Variants in PRUNE2 observed in about 807,000 individuals in gnomAD.
PRUNE2 encodes the protein prune homolog 2 with BCH domain.
PRUNE2 carries 164 observed loss-of-function variants against 252.0 expected under a neutral mutation model. That is an observed-to-expected ratio of 0.65 (90% CI 0.57 to 0.74). PRUNE2 has a LOEUF of 0.74. PRUNE2 is among the 30% of genes least tolerant of loss of function. PRUNE2 has a pLI of 0.00. For synonymous variants in PRUNE2, 1,292 were observed against 1,350.2 expected, an observed-to-expected ratio of 0.96 and a Z score of 0.94; for missense variants, 3,495 against 3,711.0, an observed-to-expected ratio of 0.94 and a Z score of 1.51.
intron 9 of PRUNE2, among the ~76,000 whole-genome samples, chr9:76,676,065 T>A (rs900400677): frequency 4.2e-5 from 6 of 144,380 alleles, no homozygotes; most frequent in Admixed American, 1.4e-4. Context: ...TAAAGTATAA[T>A]AAAAAAAAAA....
chr9:76,753,443 A>G (rs1420817078), intron 6 of PRUNE2, among the ~76,000 whole-genome samples: 1 of 152,158 alleles, frequency 6.6e-6, no homozygotes, highest in Non-Finnish European at 1.5e-5. Flanking sequence ...TACTGCAACA[A>G]AATTTTTAAA....
rs2046366620 is a variant in PRUNE2, at chr9:76,707,107, A to G, written c.5167T>C (p.Ser1723Pro). ...ESRAWDSLNE[S>P]NKFLVTADPK... is the part of the protein sequence containing the mutation. ...TCAGCTGTGACCAAGAACTTATTAGATTCATTCAATGAATCCCAAGCTCTG... is the reference window on the plus strand; with the variant it reads ...TCAGCTGTGACCAAGAACTTATTAGGTTCATTCAATGAATCCCAAGCTCTG... The change falls in exon 8 of 19, where the codon TCT becomes CCT. Residue 1723 changes from serine to proline, a missense_variant. Ser to Pro is a moderately conservative substitution (Grantham distance 74). Coordinates refer to ENST00000376718, the MANE Select transcript of PRUNE2 (RefSeq NM_015225.3). 1.2e-6 allele frequency: 2 copies of G among 1,613,786 alleles called. No homozygotes were observed. Among genetic ancestry groups the G allele is most frequent in the East Asian group, 2.2e-5 (1 of 44,892 alleles).
intron 1 of PRUNE2, among the ~76,000 whole-genome samples, chr9:76,878,829 T>C (rs1213658762): frequency 6.6e-6 from 1 of 152,204 alleles, no homozygotes; most frequent in Admixed American, 6.5e-5. Flanking sequence ...TATTATTAAA[T>C]ACATAATTAT....
intron 9 of PRUNE2, among the ~76,000 whole-genome samples, chr9:76,655,824 A>G: frequency 6.6e-6 from 1 of 152,300 alleles, no homozygotes; most frequent in East Asian, 1.9e-4. Flanking sequence ...TAATATATAT[A>G]TATTTTTAAC....
In PRUNE2 at chr9:76,708,373, C is replaced by A; in HGVS notation, c.3901G>T (p.Ala1301Ser). 6.2e-7 allele frequency: 1 copy of A among 1,613,836 alleles called. No homozygotes were observed. Among genetic ancestry groups the A allele is most frequent in the Non-Finnish European group, 8.5e-7 (1 of 1,179,878 alleles). The change falls in exon 8 of 19, where the codon GCG becomes TCG. Residue 1301 changes from alanine to serine, a missense_variant. By Grantham distance (99) the Ala-to-Ser change is moderately conservative. Coordinates refer to ENST00000376718, the MANE Select transcript of PRUNE2 (RefSeq NM_015225.3). Reference sequence around the variant, plus strand: ...TACCCTGGATTCTCAAGCCTAGTCGCCAAGGATGCTGCATCACTTTGCAGG... The same window carrying A: ...TACCCTGGATTCTCAAGCCTAGTCGACAAGGATGCTGCATCACTTTGCAGG... ...ETLQSDAASL[A>S]TRLENPGYFP...
intron 4 of PRUNE2, among the ~76,000 whole-genome samples, chr9:76,841,408 G>A (rs2059388118): frequency 6.6e-6 from 1 of 152,232 alleles, no homozygotes; most frequent in Non-Finnish European, 1.5e-5. Flanking sequence ...CAGACACTGA[G>A]CTAGCTGAAG....
chr9:76,757,066 AT>A (rs2051227034), intron 6 of PRUNE2, among the ~76,000 whole-genome samples: 1 of 152,220 alleles, frequency 6.6e-6, no homozygotes, highest in Non-Finnish European at 1.5e-5. Flanking sequence ...CTGCTAATGG[AT>A]TTTAATAGCA....
chr9:76,810,970 G>A (rs1056074305), intron 6 of PRUNE2, among the ~76,000 whole-genome samples: 2 of 152,060 alleles, frequency 1.3e-5, no homozygotes, highest in African/African-American at 4.8e-5. Context: ...TGATTCTCAG[G>A]AGCGTTACAG....
At chr9:76,746,717 A>G (rs1588986893) in intron 6 of PRUNE2, among the ~76,000 whole-genome samples, 2 of 25,322 alleles carry the variant, frequency 7.9e-5, no homozygotes, top group African/African-American at 2.6e-4. Context: ...GTCTCAAAAA[A>G]AAAAAAAAAA....
intron 6 of PRUNE2, among the ~76,000 whole-genome samples, chr9:76,754,381 T>G (rs190601922): frequency 1.4e-4 from 21 of 152,264 alleles, no homozygotes; most frequent in African/African-American, 5.1e-4. Context: ...CAGCCCAACT[T>G]CACTAACTTC....
Position 76,710,463 on chromosome 9 carries a change from G to C in PRUNE2, c.1811C>G (p.Thr604Ser). ...ESPSPERLKN[T>S]GKRIPPTPMN... ...GGGTGTTGGTGGGATCCTCTTTCCA[G>C]TATTTTTTAGCCTTTCTGGGGAAGG... Residue 604 changes from threonine to serine, a missense_variant, in exon 8 of 19, where the codon ACT (threonine) becomes AGT (serine). Coordinates refer to ENST00000376718, the MANE Select transcript of PRUNE2 (RefSeq NM_015225.3). 1 of 1,613,934 alleles carries C rather than the reference G, an allele frequency of 6.2e-7. No individual in the cohort carries two copies. The highest frequency in any genetic ancestry group is 1.1e-5 in the South Asian group (1 of 91,078).
Position 76,776,893 on chromosome 9 carries a change from TACACACACACACACACAC to T in PRUNE2, c.756+46721_756+46738del, listed in dbSNP as rs541232508. Among the ~76,000 whole-genome samples, 12 of 115,670 alleles carry T rather than the reference TACACACACACACACACAC, an allele frequency of 1.0e-4. No homozygotes were observed. In the East Asian group the frequency reaches 2.1e-3, roughly 20 times the overall value. 75.9% of individuals were successfully genotyped at this position (115,670 alleles called of 152,430 possible). ...GTTTCTTTCTCATTACCAAAACACA[TACACACACACACACACAC>T]ACACACACACACACACACACACACA... is the stretch of plus-strand genomic sequence containing the variant. On this transcript the variant is annotated intron_variant, in intron 6 of 18. Coordinates refer to ENST00000376718, the MANE Select transcript of PRUNE2 (RefSeq NM_015225.3).
At chr9:76,872,594 A>G (rs1050870706) in intron 1 of PRUNE2, among the ~76,000 whole-genome samples, 1 of 138,410 alleles carries the variant, frequency 7.2e-6, no homozygotes, top group Non-Finnish European at 1.5e-5. Flanking sequence ...CATGATGATT[A>G]TGGAAAACAC....
intron 6 of PRUNE2, among the ~76,000 whole-genome samples, chr9:76,728,803 C>T (rs149989294): frequency 2.8e-4 from 42 of 152,286 alleles, no homozygotes; most frequent in Non-Finnish European, 5.1e-4. Context: ...TTAGGCTAAG[C>T]TTCAGTTCTT....
chr9:76,702,804 G>C (rs2045997484), intron 9 of PRUNE2, among the ~76,000 whole-genome samples: 1 of 152,182 alleles, frequency 6.6e-6, no homozygotes, highest in Non-Finnish European at 1.5e-5. Context: ...TGTATGCTAA[G>C]CGGTGTGTCA....
At chr9:76,650,390 A>C (rs929793962) in intron 11 of PRUNE2, among the ~76,000 whole-genome samples, 1 of 151,972 alleles carries the variant, frequency 6.6e-6, no homozygotes, top group African/African-American at 2.4e-5. Flanking sequence ...AATGTTTTTG[A>C]AAAACTATAC....
intron 1 of PRUNE2, among the ~76,000 whole-genome samples, chr9:76,883,987 A>G (rs945721693): frequency 2.0e-5 from 3 of 152,206 alleles, no homozygotes; most frequent in African/African-American, 7.2e-5. Flanking sequence ...AATGGTAGCA[A>G]TTATCACTGA....
At chr9:76,652,827 T>C (rs967356535) in intron 10 of PRUNE2, 144 bp from the exon 11 acceptor site, 14 of 610,224 alleles carry the variant, frequency 2.3e-5, no homozygotes, top group African/African-American at 9.2e-5. Flanking sequence ...CTGGAGCATT[T>C]TGGATTTCAG....
At chr9:76,729,358 G>C (rs942201398) in intron 6 of PRUNE2, among the ~76,000 whole-genome samples, 2 of 152,184 alleles carry the variant, frequency 1.3e-5, no homozygotes, top group African/African-American at 4.8e-5. Flanking sequence ...AGGTGATGCT[G>C]ATGTGGCTGG....
Sources: allele counts gnomAD v4.1 joint callset (sites outside exome capture counted in the v4.1 genomes callset), GRCh38; gene constraint gnomAD v4.1.1; transcripts MANE v1.5; gene names NCBI Gene and HGNC (gene_info 2026-07-23, HGNC 2026-07-21).